GDF5: variants seen among roughly 807,000 people sequenced by gnomAD.
The protein encoded by GDF5 is growth/differentiation factor 5.
In GDF5, 17 loss-of-function variants were observed where a neutral mutation model predicts 34.6. That is an observed-to-expected ratio of 0.49 (90% CI 0.34 to 0.74). The LOEUF (loss-of-function observed/expected upper bound fraction) is 0.74. Ranked by LOEUF, GDF5 falls within the 30% of genes least tolerant of loss-of-function variation. The pLI is 0.01. For missense variants in GDF5, 616 were observed against 661.2 expected (o/e 0.93, Z 0.75); for synonymous variants, 332 against 290.7 (o/e 1.14, Z -1.44).
At chr20:35,438,597 G>A (rs1377911007), upstream of GDF5, among the ~76,000 whole-genome samples, 4 of 152,170 alleles carry the variant, frequency 2.6e-5, no homozygotes, top group Non-Finnish European at 5.9e-5. Flanking sequence ...GCCCTGCAGC[G>A]GGACTCTAGG....
intron 1 of GDF5, among the ~76,000 whole-genome samples, chr20:35,444,080 A>G (rs1243146403): frequency 6.6e-6 from 1 of 152,062 alleles, no homozygotes; most frequent in African/African-American, 2.4e-5. Flanking sequence ...TTCTTTATCT[A>G]CTTAACTATT....
chr20:35,451,666 C>T (rs1423398411), intron 1 of GDF5, among the ~76,000 whole-genome samples: 1 of 150,718 alleles, frequency 6.6e-6, no homozygotes, highest in Non-Finnish European at 1.5e-5. Flanking sequence ...ATTGCAGCCT[C>T]GACCTCCTGG....
intron 1 of GDF5, among the ~76,000 whole-genome samples, chr20:35,447,136 G>A (rs2062516602): frequency 6.6e-6 from 1 of 151,880 alleles, no homozygotes; most frequent in South Asian, 2.1e-4. Flanking sequence ...CGTGTGCCAC[G>A]TTGGTATGCT....
upstream of GDF5, among the ~76,000 whole-genome samples, chr20:35,440,217 A>C (rs889168394): frequency 6.6e-6 from 1 of 150,506 alleles, no homozygotes; most frequent in African/African-American, 2.4e-5. Context: ...AAAATACAAA[A>C]AATTAGCCGG....
At chr20:35,446,627 G>T (rs1199527962) in intron 1 of GDF5, among the ~76,000 whole-genome samples, 9 of 151,598 alleles carry the variant, frequency 5.9e-5, no homozygotes, top group African/African-American at 2.2e-4. Context: ...GTTTTGTTTT[G>T]TTTTGTTTTT....
Position 35,434,552 on chromosome 20 carries a change from C to T in GDF5, c.863G>A (p.Gly288Glu), listed in dbSNP as rs993877369. 2 of 1,589,012 alleles carry T rather than the reference C, an allele frequency of 1.3e-6. No individual in the cohort carries two copies. The highest frequency in any genetic ancestry group is 1.3e-5 in the African/African-American group (1 of 74,084). The change falls in exon 2 of 2, where the codon GGA becomes GAA. Residue 288 changes from glycine to glutamate, a missense_variant. By Grantham distance (98) the Gly-to-Glu change is moderately conservative (BLOSUM62 -2). Transcript: ENST00000374369. ...LDVRSVPGLDGSGWEVFDIWK... is the reference protein window; with the variant it reads ...LDVRSVPGLDESGWEVFDIWK... ...GATGTCGAACACCTCCCAGCCAGAT[C>T]CGTCCAGGCCTGGCACGGAGCGCAC... is the stretch of plus-strand genomic sequence containing the variant.
At chr20:35,452,874 A>G (rs924151008) in intron 1 of GDF5, among the ~76,000 whole-genome samples, 2 of 150,636 alleles carry the variant, frequency 1.3e-5, no homozygotes, top group Admixed American at 1.3e-4. Context: ...TCCCAGGAAT[A>G]AGTCTCCTAT....
At chr20:35,448,663 C>T (rs1369159858) in intron 1 of GDF5, among the ~76,000 whole-genome samples, 1 of 151,946 alleles carries the variant, frequency 6.6e-6, no homozygotes, top group African/African-American at 2.4e-5. Flanking sequence ...AGGCTGGTCT[C>T]AAACTTCTGG....
chr20:35,447,491 A>G (rs946604082), intron 1 of GDF5, among the ~76,000 whole-genome samples: 9 of 152,178 alleles, frequency 5.9e-5, no homozygotes, highest in Non-Finnish European at 1.3e-4. Context: ...CTGTACTACA[A>G]TCTGAAGCTG....
upstream of GDF5, among the ~76,000 whole-genome samples, chr20:35,443,102 T>C (rs1404615156): frequency 6.6e-6 from 1 of 151,876 alleles, no homozygotes; most frequent in African/African-American, 2.4e-5. Flanking sequence ...CTCCCAGAAA[T>C]GGGCTGGGAG....
chr20:35,445,753 T>C (rs922952800), intron 1 of GDF5, among the ~76,000 whole-genome samples: 3 of 151,656 alleles, frequency 2.0e-5, no homozygotes, highest in Non-Finnish European at 4.4e-5. Flanking sequence ...GCAGATCACC[T>C]GAGGTTGTGA....
chr20:35,447,479 A>ACCTGG (rs2062517710), intron 1 of GDF5, among the ~76,000 whole-genome samples: 1 of 152,022 alleles, frequency 6.6e-6, no homozygotes, highest in African/African-American at 2.4e-5. Context: ...GGCTGCAAAT[A>ACCTGG]CCTGTACTAC....
Position 35,437,773 on chromosome 20 carries a change from G to T in GDF5, c.156C>A (p.Pro52=), listed in dbSNP as rs111902988. The change falls in exon 1 of 2, where the codon CCC becomes CCA. Residue 52 remains proline (P), a synonymous_variant. Coordinates refer to ENST00000374369, the MANE Select transcript of GDF5 (RefSeq NM_000557.5). ...LAKAEAKERP[P]LARNVFRPGG... ...CTGGCCTGAAGACGTTCCGGGCCAG[G>T]GGGGGCCTCTCCTTGGCCTCTGCTT... The T allele has an allele frequency of 1.9e-6, 3 of 1,612,966 alleles. No homozygotes were observed. In the East Asian group the frequency reaches 6.7e-5, roughly 36 times the overall value.
chr20:35,435,921 TAAG>T (rs756317488), intron 1 of GDF5, among the ~76,000 whole-genome samples: 1 of 152,208 alleles, frequency 6.6e-6, no homozygotes, highest in Non-Finnish European at 1.5e-5. Context: ...TGTGTGTATG[TAAG>T]AAGGTGTGTG....
At chr20:35,442,338 G>T (rs2062500592), upstream of GDF5, among the ~76,000 whole-genome samples, 2 of 151,900 alleles carry the variant, frequency 1.3e-5, no homozygotes, top group South Asian at 4.2e-4. Flanking sequence ...GTAGAGATGG[G>T]GTTTCACCAT....
intron 1 of GDF5, among the ~76,000 whole-genome samples, chr20:35,437,039 G>T (rs371119202): frequency 7.2e-5 from 11 of 152,220 alleles, no homozygotes; most frequent in African/African-American, 2.7e-4. Flanking sequence ...GGCAGGTCTT[G>T]TCTCTTCTCT....
At chr20:35,451,060 AAAAAAT>A (rs2062530418) in intron 1 of GDF5, among the ~76,000 whole-genome samples, 4 of 68,930 alleles carry the variant, frequency 5.8e-5, no homozygotes, top group African/African-American at 3.0e-4. Flanking sequence ...AAAAAAAAAA[AAAAAAT>A]ATATATATAT....
chr20:35,442,303 C>T (rs2062500450), upstream of GDF5, among the ~76,000 whole-genome samples: 1 of 151,276 alleles, frequency 6.6e-6, no homozygotes, highest in African/African-American at 2.4e-5. Flanking sequence ...TGTACCACCA[C>T]GCCCAGCTAA....
intron 1 of GDF5, among the ~76,000 whole-genome samples, chr20:35,443,523 A>AT (rs2062504800): frequency 6.6e-6 from 1 of 151,286 alleles, no homozygotes; most frequent in Admixed American, 6.6e-5. Context: ...TATTATTATT[A>AT]TTTTTGGAGA....
Sources: allele counts gnomAD v4.1 joint callset (sites outside exome capture counted in the v4.1 genomes callset), GRCh38; gene constraint gnomAD v4.1.1; transcripts MANE v1.5; gene names NCBI Gene and HGNC (gene_info 2026-07-23, HGNC 2026-07-21).